Variants in CER1 observed in about 807,000 individuals in gnomAD.
CER1 encodes the protein cerberus 1, DAN family BMP antagonist, also known as cerberus.
CER1 carries 10 observed loss-of-function variants against 11.8 expected under a neutral mutation model. That is an observed-to-expected ratio of 0.85 (90% confidence interval 0.52 to 1.44). The LOEUF is 1.44. CER1 is among the 40% of genes most tolerant of loss of function. The pLI is 0.00. For synonymous variants in CER1, 141 were observed against 122.3 expected (o/e 1.15, Z -1.01); for missense variants, 431 against 327.0 (o/e 1.32, Z -2.45).
chr9:14,722,072 A>C, intron 1 of CER1, 94 bp downstream of exon 1: 1 of 1,389,682 alleles, frequency 7.2e-7, no homozygotes, highest in Non-Finnish European at 9.8e-7. Context: ...AGCTAGAGTC[A>C]GGCTCCTGAC....
At chr9:14,719,553 GCCTGCCTGCCTTCCTTCCTT>G (rs1171033179), downstream of CER1, among the ~76,000 whole-genome samples, 17,052 of 125,376 alleles carry the variant, frequency 0.14, 1,257 homozygotes, top group South Asian at 0.28. Flanking sequence ...CTGCCTGCCT[GCCTGCCTGCCTTCCTTCCTT>G]CCTTCCTTCC....
rs150762974 is a variant in CER1 at position 14,722,383 on chromosome 9, G to A, written c.290C>T (p.Ser97Phe). The change falls in exon 1 of 2, where the codon TCC (serine) becomes TTC (phenylalanine). Residue 97 changes from serine to phenylalanine, a missense_variant. By Grantham distance (155) the Ser-to-Phe change is radical. Transcript: ENST00000380911. ...GAAGGGCTCACTATCTGAGTCCCTG[G>A]ATGGATGCATTTCTCTCTCAGGCTT... is the stretch of plus-strand genomic sequence containing the variant. ...WKKPEREMHP[S>F]RDSDSEPFPP... 1.9e-6 allele frequency: 3 copies of A among 1,614,214 alleles called. No individual in the cohort carries two copies. The highest frequency in any genetic ancestry group is 2.5e-6 in the Non-Finnish European group (3 of 1,180,042).
At chr9:14,719,553 G>T (rs77635321), downstream of CER1, among the ~76,000 whole-genome samples, 168 of 125,512 alleles carry the variant, frequency 1.3e-3, no homozygotes, top group African/African-American at 2.9e-3. Context: ...CTGCCTGCCT[G>T]CCTGCCTGCC....
In CER1 at chr9:14,720,635, A is replaced by T. The variant is rs190244968; in HGVS notation, c.508-249T>A. On this transcript the variant is annotated intron_variant, in intron 1 of 1. Transcript: ENST00000380911. Reference sequence around the variant, plus strand: ...CCTAAGTTAACATAAAAAATATTTTACTCTACATTATTCGTGCAAAACCTT... The same window carrying T: ...CCTAAGTTAACATAAAAAATATTTTTCTCTACATTATTCGTGCAAAACCTT... Among the ~76,000 whole-genome samples the T allele has an allele frequency of 3.5e-3, 533 of 152,250 alleles. 2 individuals are homozygous for T. Among genetic ancestry groups the T allele is most frequent in the African/African-American group, 0.012 (506 of 41,546 alleles).
intron 1 of CER1, 65 bp downstream of exon 1, chr9:14,722,101 C>T: frequency 6.5e-7 from 1 of 1,528,892 alleles, no homozygotes; most frequent in South Asian, 1.3e-5. Context: ...CCCCTACTCT[C>T]CATCCATCCC....
At chr9:14,719,428 A>G (rs909016723), downstream of CER1, among the ~76,000 whole-genome samples, 1 of 152,218 alleles carries the variant, frequency 6.6e-6, no homozygotes, top group African/African-American at 2.4e-5. Context: ...ATCATCAGAT[A>G]GAAGTCAAGT....
chr9:14,717,340 CTATT>C (rs1839951786), downstream of CER1, among the ~76,000 whole-genome samples: 1 of 151,976 alleles, frequency 6.6e-6, no homozygotes, highest in African/African-American at 2.4e-5. Flanking sequence ...AAAATAGTAA[CTATT>C]TATTTCGTTT....
chr9:14,719,559 CTG>C (rs1563779993), downstream of CER1, among the ~76,000 whole-genome samples: 2 of 34,648 alleles, frequency 5.8e-5, no homozygotes, highest in Non-Finnish European at 1.4e-4. Flanking sequence ...GCCTGCCTGC[CTG>C]CCTTCCTTCC....
downstream of CER1, among the ~76,000 whole-genome samples, chr9:14,719,386 C>T (rs910239410): frequency 2.0e-5 from 3 of 152,168 alleles, no homozygotes; most frequent in African/African-American, 7.2e-5. Flanking sequence ...GGCAACCAAG[C>T]AAGTTACTCC....
In CER1 at chr9:14,721,702, G is replaced by C. The variant is rs563601165; in HGVS notation, c.507+464C>G. ...ATCGTAAATGGATATGAGAGTATTTGGGAAGGAGTCCAATGCACCCCACTT... is the reference window on the plus strand; with the variant it reads ...ATCGTAAATGGATATGAGAGTATTTCGGAAGGAGTCCAATGCACCCCACTT... On this transcript the variant is annotated intron_variant, in intron 1 of 1. Coordinates refer to ENST00000380911, the MANE Select transcript of CER1 (RefSeq NM_005454.3). Among the ~76,000 whole-genome samples, 36 of 152,198 alleles carry C rather than the reference G, an allele frequency of 2.4e-4. 1 individual carries two copies. The South Asian group carries it at 7.3e-3, about 31-fold the overall frequency.
chr9:14,719,992 C>T lies in CER1; in HGVS notation c.*98G>A. 8.8e-7 allele frequency: 1 copy of T among 1,137,714 alleles called. No individual in the cohort carries two copies. The highest frequency in any genetic ancestry group is 1.3e-6 in the Non-Finnish European group (1 of 780,456). 70.5% of individuals were successfully genotyped at this position (1,137,714 alleles called of 1,614,324 possible). A position where few individuals can be genotyped will look rare whatever the true frequency, so the allele number is the denominator to read the frequency against. The stretch of plus-strand genomic sequence containing the variant: ...AAACTACGTTTCAAGTCACCTTTCC[C>T]TGAAAATGTTATGTACCCACTTAAC... On this transcript the variant is annotated 3_prime_UTR_variant, in exon 2 of 2. Coordinates refer to ENST00000380911, the MANE Select transcript of CER1 (RefSeq NM_005454.3).
chr9:14,718,516 T>A (rs1839964778), downstream of CER1, among the ~76,000 whole-genome samples: 1 of 152,176 alleles, frequency 6.6e-6, no homozygotes, highest in Non-Finnish European at 1.5e-5. Flanking sequence ...GTTGATGTGT[T>A]ACAAAATATA....
chr9:14,720,867 G>C (rs1295614511), intron 1 of CER1, among the ~76,000 whole-genome samples: 3 of 152,138 alleles, frequency 2.0e-5, no homozygotes, highest in African/African-American at 7.2e-5. Flanking sequence ...GTACATTCAA[G>C]TCTATGAAGT....
chr9:14,722,139 T>C (rs1392745339), intron 1 of CER1, 27 bp downstream of exon 1: 1 of 1,595,496 alleles, frequency 6.3e-7, no homozygotes, highest in South Asian at 1.1e-5. Flanking sequence ...TGCAAACTCT[T>C]ACCTGCTCTC....
chr9:14,718,177 T>G (rs1261289549), downstream of CER1, among the ~76,000 whole-genome samples: 4 of 152,160 alleles, frequency 2.6e-5, no homozygotes, highest in Non-Finnish European at 5.9e-5. Context: ...GACCAAAATT[T>G]GAATAAAACA....
Position 14,722,323 on chromosome 9 carries a change from T to C in CER1, c.350A>G (p.Asp117Gly). The change falls in exon 1 of 2, where the codon GAT becomes GGT. Residue 117 changes from aspartate to glycine, a missense_variant. By Grantham distance (94) the Asp-to-Gly change is moderately conservative (BLOSUM62 -1). Transcript: ENST00000380911. ...PGTQSLIQPI[D>G]GMKMEKSPLR... ...AGGAGATTTCTCCATTTTCATTCCA[T>C]CTATCGGCTGGATGAGGGACTGGGT... is the stretch of plus-strand genomic sequence containing the variant. The C allele has an allele frequency of 6.2e-7, 1 of 1,614,214 alleles. No homozygotes were observed. Among genetic ancestry groups the C allele is most frequent in the South Asian group, 1.1e-5 (1 of 91,084 alleles).
intron 1 of CER1, among the ~76,000 whole-genome samples, chr9:14,721,549 A>T (rs920993068): frequency 6.6e-6 from 1 of 152,226 alleles, no homozygotes; most frequent in South Asian, 2.1e-4. Context: ...AATACTAGAA[A>T]TGATATGACA....
rs762025720 is a variant in CER1 at position 14,722,469 on chromosome 9, A to T, written c.204T>A (p.Pro68=). ...VAVPHLVATS[P]AGEGQRQREK... Reference sequence around the variant, plus strand: ...CTCTCTGCCTCTGGCCTTCCCCTGCAGGGCTGGTGGCTACAAGGTGTGGCA... The same window carrying T: ...CTCTCTGCCTCTGGCCTTCCCCTGCTGGGCTGGTGGCTACAAGGTGTGGCA... Residue 68 remains proline (P), a synonymous_variant, in exon 1 of 2, where the codon CCT becomes CCA. Coordinates refer to ENST00000380911, the MANE Select transcript of CER1 (RefSeq NM_005454.3). 2 of 1,614,070 alleles carry T rather than the reference A, an allele frequency of 1.2e-6. No individual in the cohort carries two copies. The highest frequency in any genetic ancestry group is 2.7e-5 in the African/African-American group (2 of 74,932).
Position 14,722,709 on chromosome 9 carries a change from G to C in CER1, c.-37C>G, listed in dbSNP as rs979803465. On this transcript the variant is annotated 5_prime_UTR_variant, in exon 1 of 2. Coordinates refer to ENST00000380911, the MANE Select transcript of CER1 (RefSeq NM_005454.3). ...CCCAAGCTTCTTTTGTAAATGATGA[G>C]GCCCAAAGGAGAGGCTCATTCTCTG... is the stretch of plus-strand genomic sequence containing the variant. 1.3e-6 allele frequency: 2 copies of C among 1,558,004 alleles called. No homozygotes were observed. The highest frequency in any genetic ancestry group is 1.4e-5 in the African/African-American group (1 of 73,106).
Sources: allele counts gnomAD v4.1 joint callset (sites outside exome capture counted in the v4.1 genomes callset), GRCh38; gene constraint gnomAD v4.1.1; transcripts MANE v1.5; gene names NCBI Gene and HGNC (gene_info 2026-07-23, HGNC 2026-07-21).